CALN1: variants seen among roughly 807,000 people sequenced by gnomAD.
The protein encoded by CALN1 is calneuron 1.
CALN1 carries 17 observed loss-of-function variants against 30.6 expected under a neutral mutation model. The observed-to-expected ratio is 0.56, with a 90% CI of 0.38 to 0.83. CALN1 has a LOEUF of 0.83. CALN1 is among the 40% of genes least tolerant of loss of function. CALN1 has a pLI of 0.00. For synonymous variants in CALN1, 156 were observed against 131.4 expected, an observed-to-expected ratio of 1.19 and a Z score of -1.28; for missense variants, 291 against 354.9, an observed-to-expected ratio of 0.82 and a Z score of 1.45.
chr7:72,435,145 G>A (rs1808109756), intron 1 of CALN1, among the ~76,000 whole-genome samples: 1 of 152,022 alleles, frequency 6.6e-6, no homozygotes. Flanking sequence ...TGAGGTGGGA[G>A]GATCACTTGA....
intron 1 of CALN1, among the ~76,000 whole-genome samples, chr7:72,407,195 G>A (rs1452471833): frequency 6.6e-6 from 1 of 152,184 alleles, no homozygotes; most frequent in Non-Finnish European, 1.5e-5. Context: ...GCCACTTAGG[G>A]GCTGTGTGAC....
chr7:72,486,992 T>C, the CALN1 span, among the ~76,000 whole-genome samples: 2 of 152,212 alleles, frequency 1.3e-5, no homozygotes, highest in African/African-American at 4.8e-5. Flanking sequence ...AGTATTCTTA[T>C]TATGTATCAT....
At chr7:72,290,206 T>C (rs1338480246) in intron 2 of CALN1, among the ~76,000 whole-genome samples, 2 of 148,370 alleles carry the variant, frequency 1.3e-5, no homozygotes, top group Non-Finnish European at 3.0e-5. Flanking sequence ...GCTTATGAGC[T>C]AGCTCCAGCA....
chr7:71,786,922 A>G lies in CALN1; in HGVS notation c.*853T>C, dbSNP rs1466085372. On this transcript the variant is annotated 3_prime_UTR_variant, in exon 7 of 7. Coordinates refer to ENST00000395275, the MANE Select transcript of CALN1 (RefSeq NM_031468.4). The stretch of plus-strand genomic sequence containing the variant: ...GACAAGCTTATATTAGGTGTAAGCG[A>G]TTAGGGAAGAATGACATCACACACG... 5 of 152,670 alleles carry G rather than the reference A, an allele frequency of 3.3e-5. No individual in the cohort carries two copies. The highest frequency in any genetic ancestry group is 3.3e-4 in the Admixed American group (5 of 15,290). 9.5% of individuals were successfully genotyped at this position (152,670 alleles called of 1,614,324 possible).
chr7:72,218,423 G>A (rs2129548992), intron 3 of CALN1, among the ~76,000 whole-genome samples: 1 of 152,040 alleles, frequency 6.6e-6, no homozygotes, highest in East Asian at 2.0e-4. Flanking sequence ...ACTCCAGCCT[G>A]GGCAACAGAG....
chr7:72,161,271 G>A (rs1052917012), intron 3 of CALN1, among the ~76,000 whole-genome samples: 4 of 152,110 alleles, frequency 2.6e-5, no homozygotes, highest in African/African-American at 4.8e-5. Flanking sequence ...TCCCTGACAT[G>A]GTGATTAATC....
upstream of CALN1, among the ~76,000 whole-genome samples, chr7:72,451,161 A>G (rs913070549): frequency 4.8e-5 from 7 of 144,866 alleles, no homozygotes; most frequent in African/African-American, 1.8e-4. Context: ...GAAGAAGGAG[A>G]AGGAGGAGGA....
At chr7:72,278,016 G>T (rs1012114251) in intron 3 of CALN1, among the ~76,000 whole-genome samples, 2 of 136,282 alleles carry the variant, frequency 1.5e-5, no homozygotes, top group African/African-American at 5.3e-5. Context: ...TCCGGGGGGG[G>T]GGGACTTGTT....
At chr7:72,431,781 G>T (rs998462822) in intron 1 of CALN1, among the ~76,000 whole-genome samples, 32 of 150,580 alleles carry the variant, frequency 2.1e-4, no homozygotes, top group Admixed American at 2.0e-3. Flanking sequence ...GTTCAAAACT[G>T]CAGGGAGCCA....
At chr7:72,328,571 T>C (rs1476114824) in intron 2 of CALN1, among the ~76,000 whole-genome samples, 1 of 152,196 alleles carries the variant, frequency 6.6e-6, no homozygotes, top group Non-Finnish European at 1.5e-5. Flanking sequence ...CATCCTGTGT[T>C]TTGTCCCAAC....
intron 2 of CALN1, among the ~76,000 whole-genome samples, chr7:72,357,276 C>T (rs750780770): frequency 7.9e-5 from 12 of 151,918 alleles, no homozygotes; most frequent in Non-Finnish European, 1.5e-4. Context: ...CACAAACCCC[C>T]CGACCCCAAG....
intron 5 of CALN1, among the ~76,000 whole-genome samples, chr7:71,950,930 C>T (rs1225083314): frequency 6.6e-6 from 1 of 152,186 alleles, no homozygotes; most frequent in Admixed American, 6.5e-5. Context: ...CATTCCTTTC[C>T]TAGCCATTTC....
intron 4 of CALN1, among the ~76,000 whole-genome samples, chr7:72,088,055 C>T (rs927650820): frequency 2.6e-5 from 4 of 152,126 alleles, no homozygotes; most frequent in African/African-American, 9.7e-5. Flanking sequence ...GTAGTCCCAG[C>T]TACTCTAGAG....
chr7:72,395,241 T>A (rs990924253), intron 2 of CALN1, among the ~76,000 whole-genome samples: 4 of 152,122 alleles, frequency 2.6e-5, no homozygotes, highest in Non-Finnish European at 5.9e-5. Context: ...ATATGTCAGT[T>A]ATCTATCATT....
intron 3 of CALN1, among the ~76,000 whole-genome samples, chr7:72,234,434 T>TTTTTG (rs763679996): frequency 1.3e-5 from 2 of 151,936 alleles, no homozygotes; most frequent in Middle Eastern, 3.4e-3. Flanking sequence ...CACTTGTCTT[T>TTTTTG]TTTTGTTTTG....
intron 5 of CALN1, among the ~76,000 whole-genome samples, chr7:71,830,295 G>A (rs1315854850): frequency 6.6e-6 from 1 of 151,774 alleles, no homozygotes; most frequent in Non-Finnish European, 1.5e-5. Flanking sequence ...CACCCGCCTC[G>A]GCCTCCCAAA....
chr7:72,389,252 T>C (rs1035290214), intron 2 of CALN1, among the ~76,000 whole-genome samples: 2 of 152,194 alleles, frequency 1.3e-5, no homozygotes, highest in African/African-American at 4.8e-5. Context: ...CAGGAATTCT[T>C]CCAGTTCTCC....
At chr7:72,439,113 T>A (rs1808266877) in intron 1 of CALN1, among the ~76,000 whole-genome samples, 1 of 152,178 alleles carries the variant, frequency 6.6e-6, no homozygotes, top group Non-Finnish European at 1.5e-5. Context: ...TATAGCTCAC[T>A]GCAGCCTCCT....
intron 3 of CALN1, among the ~76,000 whole-genome samples, chr7:72,241,089 C>T (rs1794797884): frequency 6.6e-6 from 1 of 152,150 alleles, no homozygotes; most frequent in Admixed American, 6.6e-5. Context: ...CTAGCCTTTA[C>T]TACATTCTCT....
Sources: allele counts gnomAD v4.1 joint callset (sites outside exome capture counted in the v4.1 genomes callset), GRCh38; gene constraint gnomAD v4.1.1; transcripts MANE v1.5; gene names NCBI Gene and HGNC (gene_info 2026-07-23, HGNC 2026-07-21).